The following SPOPL variants were observed in gnomAD, a reference collection of about 807,000 sequenced individuals.
The protein encoded by SPOPL is speckle-type POZ protein-like.
In SPOPL, 23 loss-of-function variants were observed where a neutral mutation model predicts 53.8. The ratio of observed to expected loss-of-function variants is 0.43; its 90% CI spans 0.31 to 0.61. The LOEUF (loss-of-function observed/expected upper bound fraction) is 0.61, where lower values mean the gene tolerates loss of function less well. Ranked by LOEUF, SPOPL falls within the 20% of genes least tolerant of loss-of-function variation. SPOPL has a pLI of 0.12. For synonymous variants in SPOPL, 164 were observed against 149.7 expected, an observed-to-expected ratio of 1.10 and a Z score of -0.70; for missense variants, 442 against 466.9, an observed-to-expected ratio of 0.95 and a Z score of 0.49.
At chr2:138,521,805 C>T (rs1573874897) in intron 1 of SPOPL, among the ~76,000 whole-genome samples, 1 of 152,044 alleles carries the variant, frequency 6.6e-6, no homozygotes, top group East Asian at 1.9e-4. Context: ...AAAGAGATTC[C>T]CTAACATTGG....
intron 1 of SPOPL, among the ~76,000 whole-genome samples, chr2:138,532,828 T>C (rs1684842787): frequency 6.6e-6 from 1 of 152,154 alleles, no homozygotes; most frequent in African/African-American, 2.4e-5. Context: ...TGTGACCTTT[T>C]GTCCTGATTG....
At position 138,543,172 on chromosome 2, in the gene SPOPL, T is replaced by C. The variant is rs566987263; in HGVS notation, c.-60-6985T>C. ...TTCTCTCTGGCTGCCTTAACATTTT[T>C]TCCTTCATTTCAACTTTGGTGAATC... is the stretch of plus-strand genomic sequence containing the variant. On this transcript the variant is annotated intron_variant, in intron 1 of 10. Coordinates refer to ENST00000280098, the MANE Select transcript of SPOPL (RefSeq NM_001001664.3). Among the ~76,000 whole-genome samples, 972 of 152,330 alleles carry C rather than the reference T, an allele frequency of 6.4e-3. 5 individuals are homozygous for C. The highest frequency in any genetic ancestry group is 0.022 in the African/African-American group (930 of 41,584).
chr2:138,532,593 A>ATTTTTTTTTTTTTTTT (rs71301784), intron 1 of SPOPL, among the ~76,000 whole-genome samples: 1 of 111,874 alleles, frequency 8.9e-6, no homozygotes, highest in African/African-American at 3.9e-5. Context: ...CGCCCGGCTA[A>ATTTTTTTTTTTTTTTT]TTTTTTTTTT....
intron 1 of SPOPL, among the ~76,000 whole-genome samples, chr2:138,531,944 G>A (rs987719502): frequency 6.6e-6 from 1 of 152,094 alleles, no homozygotes; most frequent in African/African-American, 2.4e-5. Context: ...ATGTTAGTGT[G>A]GGAGCTGATA....
At chr2:138,565,408 C>T (rs16840724) in intron 10 of SPOPL, among the ~76,000 whole-genome samples, 2,682 of 152,236 alleles carry the variant, frequency 0.018, 73 homozygotes, top group African/African-American at 0.062. Context: ...AGCCAGGTAC[C>T]TTGAGTAATA....
At chr2:138,538,747 T>C (rs1684993754) in intron 1 of SPOPL, among the ~76,000 whole-genome samples, 1 of 152,154 alleles carries the variant, frequency 6.6e-6, no homozygotes. Flanking sequence ...GTTTTCTTTT[T>C]TTTTTTTCTT....
intron 5 of SPOPL, among the ~76,000 whole-genome samples, chr2:138,553,141 T>C (rs1446794579): frequency 6.6e-6 from 1 of 152,070 alleles, no homozygotes; most frequent in African/African-American, 2.4e-5. Flanking sequence ...ATTAATCTAA[T>C]TAAATAGCAT....
At chr2:138,526,292 G>T (rs946835890) in intron 1 of SPOPL, among the ~76,000 whole-genome samples, 9 of 152,030 alleles carry the variant, frequency 5.9e-5, no homozygotes, top group African/African-American at 2.2e-4. Flanking sequence ...AATTCTAGTG[G>T]ATTCTCATCT....
chr2:138,546,348 T>G (rs1044784946), intron 1 of SPOPL, among the ~76,000 whole-genome samples: 1 of 152,232 alleles, frequency 6.6e-6, no homozygotes, highest in Non-Finnish European at 1.5e-5. Flanking sequence ...CTCTAGATCT[T>G]AGTTTCATTG....
intron 1 of SPOPL, among the ~76,000 whole-genome samples, chr2:138,541,824 A>G (rs1685078703): frequency 6.6e-6 from 1 of 151,658 alleles, no homozygotes; most frequent in South Asian, 2.1e-4. Context: ...TTTAATTGTG[A>G]TATTAGTGTG....
At chr2:138,568,071 G>C (rs535044537) in intron 10 of SPOPL, among the ~76,000 whole-genome samples, 144 of 152,162 alleles carry the variant, frequency 9.5e-4, no homozygotes, top group Middle Eastern at 3.4e-3. Flanking sequence ...TGGGCAGTGG[G>C]GAACAATGAA....
rs534842429 is a variant in SPOPL at position 138,531,692 on chromosome 2, CTTATA to C, written c.-60-18461_-60-18457del. On this transcript the variant is annotated intron_variant, in intron 1 of 10. Coordinates refer to ENST00000280098, the MANE Select transcript of SPOPL (RefSeq NM_001001664.3). ...ACCTTTTGCTGTTTAGTCTATTCAA[CTTATA>C]TTAAGTAGTAATTTCAGTTGTTTTC... 9.5e-4 allele frequency among the ~76,000 whole-genome samples: 145 copies of C among 152,138 alleles called. 1 individual carries two copies. The highest frequency in any genetic ancestry group is 3.3e-3 in the African/African-American group (136 of 41,526).
intron 1 of SPOPL, among the ~76,000 whole-genome samples, chr2:138,516,738 T>C (rs1358998028): frequency 6.6e-6 from 1 of 152,196 alleles, no homozygotes; most frequent in Non-Finnish European, 1.5e-5. Flanking sequence ...CCAAACAGTT[T>C]TGGAAGAAGG....
intron 1 of SPOPL, among the ~76,000 whole-genome samples, chr2:138,531,774 T>G (rs1434293833): frequency 2.8e-5 from 4 of 140,478 alleles, no homozygotes; most frequent in Non-Finnish European, 6.5e-5. Context: ...TTGGTAAAAC[T>G]CTGTTGCCTG....
At position 138,564,830 on chromosome 2, in the gene SPOPL, A is replaced by G. The variant is rs1685626121; in HGVS notation, c.960A>G (p.Gln320=). The G allele has an allele frequency of 6.2e-7, 1 of 1,614,208 alleles. No individual in the cohort carries two copies. Among genetic ancestry groups the G allele is most frequent in the Non-Finnish European group, 8.5e-7 (1 of 1,180,006 alleles). ...DLHSAEQLKA[Q]AIDFINRCSV... ...ACAGTGCAGAACAGTTGAAAGCACA[A>G]GCCATAGACTTTATTAATAGGTAAG... Residue 320 remains glutamine (Q), a synonymous_variant, in exon 9 of 11, where the codon CAA becomes CAG. Coordinates refer to ENST00000280098, the MANE Select transcript of SPOPL (RefSeq NM_001001664.3).
In SPOPL at chr2:138,560,936, T is replaced by G. The variant is rs749448528; in HGVS notation, c.837+9T>G. 5.0e-6 allele frequency: 8 copies of G among 1,606,402 alleles called. No homozygotes were observed. In the Middle Eastern group the frequency reaches 5.0e-4, roughly 100 times the overall value. ...TGGCAGCTGCAGACAAAGTAAGTAA[T>G]TAGGTCTTAAGGAACCAAAATATAC... On this transcript the variant is annotated intron_variant, in intron 8 of 10. Coordinates refer to ENST00000280098, the MANE Select transcript of SPOPL (RefSeq NM_001001664.3).
At chr2:138,565,207 A>G (rs1685635270) in intron 10 of SPOPL, among the ~76,000 whole-genome samples, 1 of 152,182 alleles carries the variant, frequency 6.6e-6, no homozygotes, top group South Asian at 2.1e-4. Flanking sequence ...GGATGCTGTA[A>G]TATCTTAAGC....
At chr2:138,526,481 T>TA in intron 1 of SPOPL, among the ~76,000 whole-genome samples, 1 of 152,174 alleles carries the variant, frequency 6.6e-6, no homozygotes. Flanking sequence ...TGTTAATTTT[T>TA]ATCTGTAATT....
chr2:138,531,057 A>G (rs978371206), intron 1 of SPOPL, among the ~76,000 whole-genome samples: 1 of 151,914 alleles, frequency 6.6e-6, no homozygotes, highest in Non-Finnish European at 1.5e-5. Context: ...TATCAAAGTG[A>G]TCTTTTCCCT....
Sources: gnomAD v4.1 joint callset for allele counts (sites outside exome capture counted in the v4.1 genomes callset) on GRCh38, gnomAD v4.1.1 for gene constraint, MANE v1.5 for transcripts, NCBI Gene and HGNC (gene_info 2026-07-23, HGNC 2026-07-21) for gene names.